Variants in SPATA6 observed in about 807,000 individuals in gnomAD.
The protein encoded by SPATA6 is spermatogenesis associated 6.
A neutral mutation model predicts 65.3 loss-of-function variants in SPATA6; 56 were observed. The observed-to-expected ratio is 0.86, with a 90% CI of 0.69 to 1.07. The LOEUF (loss-of-function observed/expected upper bound fraction) is 1.07, where lower values mean the gene tolerates loss of function less well. SPATA6 is among the 50% of genes least tolerant of loss of function. SPATA6 has a pLI of 0.00. For missense variants in SPATA6, 590 were observed against 594.8 expected (o/e 0.99, Z 0.08); for synonymous variants, 199 against 213.2 (o/e 0.93, Z 0.58).
chr1:48,316,006 C>G (rs566081436), intron 11 of SPATA6, among the ~76,000 whole-genome samples: 1 of 152,274 alleles, frequency 6.6e-6, no homozygotes, highest in South Asian at 2.1e-4. Context: ...TCAAGGAGAA[C>G]TACAAACCAC....
chr1:48,364,049 G>C (rs1254612997), intron 9 of SPATA6, among the ~76,000 whole-genome samples: 1 of 151,998 alleles, frequency 6.6e-6, no homozygotes, highest in Non-Finnish European at 1.5e-5. Context: ...AGAACATGTG[G>C]TGTTTGGTTT....
intron 11 of SPATA6, among the ~76,000 whole-genome samples, chr1:48,317,301 G>T (rs1645459909): frequency 6.6e-6 from 1 of 152,178 alleles, no homozygotes; most frequent in South Asian, 2.1e-4. Flanking sequence ...TGATAGACTG[G>T]ATTAAGAAAA....
At position 48,456,501 on chromosome 1, in the gene SPATA6, A is replaced by T. The variant is rs111939516; in HGVS notation, c.52-3370T>A. Among the ~76,000 whole-genome samples, 958 of 149,292 alleles carry T rather than the reference A, an allele frequency of 6.4e-3. 7 individuals are homozygous for T. The highest frequency in any genetic ancestry group is 0.016 in the African/African-American group (669 of 40,918). On this transcript the variant is annotated intron_variant, in intron 1 of 12. Transcript: ENST00000371847. Reference sequence around the variant, plus strand: ...AGAAAGCACAGCCTATACATGGGGGAAAAAAAAAAGAGCAGTCAATAAAAA... The same window carrying T: ...AGAAAGCACAGCCTATACATGGGGGTAAAAAAAAAGAGCAGTCAATAAAAA...
intron 1 of SPATA6, among the ~76,000 whole-genome samples, chr1:48,469,989 G>A (rs1195444586): frequency 1.3e-5 from 2 of 152,080 alleles, no homozygotes; most frequent in Non-Finnish European, 2.9e-5. Context: ...AAAAGGGATT[G>A]AATCCAATGA....
intron 12 of SPATA6, among the ~76,000 whole-genome samples, chr1:48,300,921 A>G (rs1165558489): frequency 6.6e-6 from 1 of 152,140 alleles, no homozygotes; most frequent in African/African-American, 2.4e-5. Context: ...TCAAAATGAT[A>G]AGGGCCATAT....
chr1:48,334,600 C>A (rs1646008364), intron 11 of SPATA6, among the ~76,000 whole-genome samples: 1 of 152,054 alleles, frequency 6.6e-6, no homozygotes, highest in African/African-American at 2.4e-5. Context: ...CATGTTAAAA[C>A]CCTAAAGAAA....
intron 3 of SPATA6, among the ~76,000 whole-genome samples, chr1:48,446,423 T>C (rs944696476): frequency 3.3e-5 from 5 of 152,154 alleles, no homozygotes. Flanking sequence ...GACCACCATG[T>C]ATTGCAATAC....
intron 7 of SPATA6, among the ~76,000 whole-genome samples, chr1:48,397,655 T>C (rs1650735237): frequency 6.6e-6 from 1 of 151,690 alleles, no homozygotes; most frequent in East Asian, 1.9e-4. Flanking sequence ...TTTGGTTACC[T>C]ATTTGCTAAG....
intron 11 of SPATA6, among the ~76,000 whole-genome samples, chr1:48,341,908 C>T (rs2175862): frequency 0.21 from 32,174 of 152,066 alleles, 3,588 homozygotes; most frequent in Admixed American, 0.28. Context: ...CAGGCATCCA[C>T]TAAGGGGTCT....
At chr1:48,376,764 G>A (rs186919723) in intron 9 of SPATA6, among the ~76,000 whole-genome samples, 4 of 152,130 alleles carry the variant, frequency 2.6e-5, no homozygotes, top group Non-Finnish European at 5.9e-5. Flanking sequence ...AATCTAGATG[G>A]TATAGTCTAC....
chr1:48,339,506 G>C (rs1646149240), intron 11 of SPATA6, among the ~76,000 whole-genome samples: 1 of 151,864 alleles, frequency 6.6e-6, no homozygotes, highest in South Asian at 2.1e-4. Context: ...GGATTAATTT[G>C]GTCAAGAAAA....
At chr1:48,416,194 T>C (rs1652766506) in intron 3 of SPATA6, among the ~76,000 whole-genome samples, 1 of 151,828 alleles carries the variant, frequency 6.6e-6, no homozygotes, top group Non-Finnish European at 1.5e-5. Context: ...GCAGCGAGAC[T>C]CTCTCAAAAC....
chr1:48,364,940 T>G (rs1233851609), intron 9 of SPATA6, among the ~76,000 whole-genome samples: 2 of 152,240 alleles, frequency 1.3e-5, no homozygotes, highest in East Asian at 3.8e-4. Context: ...AGGTCTTACA[T>G]GTAAGTCTTT....
intron 7 of SPATA6, 39 bp downstream of exon 7, chr1:48,399,312 T>A: frequency 6.4e-7 from 1 of 1,566,338 alleles, no homozygotes; most frequent in Non-Finnish European, 8.6e-7. Flanking sequence ...GGAAAAAAGC[T>A]GATCAGTTTC....
intron 3 of SPATA6, among the ~76,000 whole-genome samples, chr1:48,415,598 G>A (rs1193747003): frequency 1.3e-5 from 2 of 150,024 alleles, no homozygotes; most frequent in African/African-American, 4.9e-5. Flanking sequence ...TTAAAGATAT[G>A]ACAACAAAAA....
chr1:48,411,406 G>A, intron 5 of SPATA6, 58 bp downstream of exon 5: 1 of 1,551,076 alleles, frequency 6.4e-7, no homozygotes, highest in South Asian at 1.3e-5. Flanking sequence ...GCACTATGCG[G>A]TGGTTTCTGA....
At chr1:48,373,612 T>C (rs948521036) in intron 9 of SPATA6, among the ~76,000 whole-genome samples, 6 of 152,206 alleles carry the variant, frequency 3.9e-5, no homozygotes, top group Admixed American at 1.3e-4. Flanking sequence ...ACTGTATTAA[T>C]CTGTTTTCCA....
At chr1:48,288,222 C>T in the SPATA6 span, among the ~76,000 whole-genome samples, 8 of 152,290 alleles carry the variant, frequency 5.3e-5, no homozygotes, top group African/African-American at 1.4e-4. Context: ...TGAGGACTTC[C>T]ATATCTATGT....
At chr1:48,469,966 T>C (rs1379652305) in intron 1 of SPATA6, among the ~76,000 whole-genome samples, 3 of 152,204 alleles carry the variant, frequency 2.0e-5, no homozygotes, top group Admixed American at 2.0e-4. Flanking sequence ...GAGCATCGAT[T>C]TTCTTGGCTG....
Sources: gnomAD v4.1 joint callset for allele counts (sites outside exome capture counted in the v4.1 genomes callset) on GRCh38, gnomAD v4.1.1 for gene constraint, MANE v1.5 for transcripts, NCBI Gene and HGNC (gene_info 2026-07-23, HGNC 2026-07-21) for gene names.